BSN: variants seen among roughly 807,000 people sequenced by gnomAD.
The protein encoded by BSN is bassoon presynaptic cytomatrix protein.
BSN carries 57 observed loss-of-function variants against 264.8 expected under a neutral mutation model. The ratio of observed to expected loss-of-function variants is 0.22; its 90% CI spans 0.17 to 0.27. The LOEUF (loss-of-function observed/expected upper bound fraction) is 0.27, where lower values mean the gene tolerates loss of function less well. BSN is among the 10% of genes least tolerant of loss of function. The pLI is 1.00. For synonymous variants in BSN, 2,059 were observed against 2,137.3 expected, an observed-to-expected ratio of 0.96 and a Z score of 1.01; for missense variants, 4,615 against 5,232.5, an observed-to-expected ratio of 0.88 and a Z score of 3.64.
At position 49,652,584 on chromosome 3, in the gene BSN, C is replaced by T. The variant is rs1470754384; in HGVS notation, c.3028C>T (p.Pro1010Ser). 1 of 1,613,534 alleles carries T rather than the reference C, an allele frequency of 6.2e-7. No individual in the cohort carries two copies. Among genetic ancestry groups the T allele is most frequent in the Admixed American group, 1.7e-5 (1 of 60,024 alleles). The change falls in exon 5 of 12, where the codon CCC (proline) becomes TCC (serine). Residue 1010 changes from proline (P) to serine (S), a missense_variant. Coordinates refer to ENST00000296452, the MANE Select transcript of BSN (RefSeq NM_003458.4). Reference protein sequence around the residue: ...SSLEEDSDSSPSRRQRLEEAK... With the variant: ...SSLEEDSDSSSSRRQRLEEAK... Reference sequence around the variant, plus strand: ...CCTAGAGGAGGACAGTGACAGCAGCCCCAGCCGCAGGCAGCGTCTAGAAGA... The same window carrying T: ...CCTAGAGGAGGACAGTGACAGCAGCTCCAGCCGCAGGCAGCGTCTAGAAGA...
In BSN at chr3:49,651,701, G is replaced by A. The variant is rs2052541864; in HGVS notation, c.2145G>A (p.Gly715=). The stretch of plus-strand genomic sequence containing the variant: ...AGCTGGACAGTGCAGGGGTGACAGG[G>A]CCACATCCACCCAGCCCCTCCGAGA... ...VEQLDSAGVT[G]PHPPSPSEIH... The change falls in exon 5 of 12, where the codon GGG becomes GGA. Residue 715 remains glycine, a synonymous_variant. Coordinates refer to ENST00000296452, the MANE Select transcript of BSN (RefSeq NM_003458.4). This position sits in a 1 kb window ranked among gnomAD's most constrained non-coding sequence, Gnocchi z 5.4. The A allele has an allele frequency of 6.2e-7, 1 of 1,613,154 alleles. No homozygotes were observed. Among genetic ancestry groups the A allele is most frequent in the South Asian group, 1.1e-5 (1 of 91,012 alleles).
At position 49,656,186 on chromosome 3, in the gene BSN, C is replaced by A; in HGVS notation, c.6630C>A (p.Thr2210=). The change falls in exon 5 of 12, where the codon ACC becomes ACA. Residue 2210 remains threonine, a synonymous_variant. Transcript: ENST00000296452. ...TTGCTGCAACACTGCCCATCACCAC[C>A]CAGCCTGCCTCAGTCCTGCGGCCCA... ...TPIAATLPIT[T]QPASVLRPMV... is the part of the protein sequence containing the mutation. 46 of 1,612,204 alleles carry A rather than the reference C, an allele frequency of 2.9e-5. No individual in the cohort carries two copies. The highest frequency in any genetic ancestry group is 3.8e-5 in the Non-Finnish European group (45 of 1,179,374).
At chr3:49,616,241 C>T (rs1170761591) in intron 1 of BSN, among the ~76,000 whole-genome samples, 2 of 152,192 alleles carry the variant, frequency 1.3e-5, no homozygotes, top group African/African-American at 4.8e-5. Context: ...CATATCCATT[C>T]CTGAGAGAGA....
intron 1 of BSN, among the ~76,000 whole-genome samples, chr3:49,601,196 A>G (rs569861683): frequency 2.6e-5 from 4 of 152,314 alleles, no homozygotes; most frequent in African/African-American, 2.4e-5. Flanking sequence ...GAAGGCAAGT[A>G]GGGAGTGCCC....
rs1424062497 is a variant in BSN, at chr3:49,651,017, G to A, written c.1924G>A (p.Ala642Thr). ...TPKVKSGVRRAEPATPVVKAV... is the reference protein window; with the variant it reads ...TPKVKSGVRRTEPATPVVKAV... ...TAAAGTAAAGAGTGGGGTGAGGAGG[G>A]CTGAACCTGCCACCCCTGTCGTCAA... Residue 642 changes from alanine (A) to threonine (T), a missense_variant, in exon 4 of 12, where the codon GCT (alanine) becomes ACT (threonine). Ala to Thr is a moderately conservative substitution (Grantham distance 58). Around this residue, in one of 3 missense-constraint regions of BSN, gnomAD observed 1,197 missense variants for 1,348.0 expected, o/e 0.89. Transcript: ENST00000296452. The surrounding 1 kb of genome is among the most constrained non-coding windows in gnomAD (Gnocchi z 5.4). 2.5e-6 allele frequency: 4 copies of A among 1,613,796 alleles called. No individual in the cohort carries two copies. The highest frequency in any genetic ancestry group is 3.4e-6 in the Non-Finnish European group (4 of 1,179,964).
Position 49,663,575 on chromosome 3 carries a change from C to A in BSN, c.11417C>A (p.Thr3806Asn). The change falls in exon 7 of 12, where the codon ACC (threonine) becomes AAC (asparagine). Residue 3806 changes from threonine (T) to asparagine (N), a missense_variant. Transcript: ENST00000296452. The stretch of plus-strand genomic sequence containing the variant: ...CGGCTGCAGCAACAGAGCCAGCCAA[C>A]CACCCGGGGCTCAGCCCCTGCTGCC... ...QARLQQQSQP[T>N]TRGSAPAASQ... 6.2e-7 allele frequency: 1 copy of A among 1,605,560 alleles called. No individual in the cohort carries two copies.
rs752353632 is a variant in BSN at position 49,663,783 on chromosome 3, G to A, written c.11509-4G>A. ...GAATCTTAGCTATAGGTTCTGTGTT[G>A]CAGCCACGGGCAGAACAGACAAATG... On this transcript the variant is annotated splice_region_variant and splice_polypyrimidine_tract_variant and intron_variant, in intron 7 of 11. Coordinates refer to ENST00000296452, the MANE Select transcript of BSN (RefSeq NM_003458.4). 1 of 1,614,146 alleles carries A rather than the reference G, an allele frequency of 6.2e-7. No homozygotes were observed. Among genetic ancestry groups the A allele is most frequent in the Non-Finnish European group, 8.5e-7 (1 of 1,180,028 alleles).
intron 3 of BSN, 133 bp downstream of exon 3, chr3:49,643,285 A>G: frequency 5.7e-6 from 8 of 1,400,166 alleles, no homozygotes; most frequent in Non-Finnish European, 7.5e-6. Context: ...CTAATGCTGC[A>G]GAGGGGCTGC....
At chr3:49,664,905 T>C (rs1409940401) in intron 10 of BSN, 52 bp downstream of exon 10, 2 of 403,672 alleles carry the variant, frequency 5.0e-6, no homozygotes, top group Admixed American at 9.5e-5. Flanking sequence ...CCCGAGGCAC[T>C]GGGGGTGGGG....
At chr3:49,605,907 AATAG>A (rs1172522169) in intron 1 of BSN, among the ~76,000 whole-genome samples, 1 of 2,422 alleles carries the variant, frequency 4.1e-4, no homozygotes, top group Non-Finnish European at 7.9e-4. Context: ...TGTCTATATA[AATAG>A]ATATAAATAG....
chr3:49,587,648 A>T (rs928681668), intron 1 of BSN, among the ~76,000 whole-genome samples: 3 of 152,204 alleles, frequency 2.0e-5, no homozygotes, highest in African/African-American at 7.2e-5. Context: ...TAGTCTTTAG[A>T]TGTTTCCTAT....
intron 1 of BSN, among the ~76,000 whole-genome samples, chr3:49,589,744 C>T (rs1457718389): frequency 1.3e-5 from 2 of 151,056 alleles, no homozygotes; most frequent in Admixed American, 6.6e-5. Context: ...TGAGCTCAGG[C>T]GATCCAACAG....
chr3:49,556,403 T>C (rs2051672199), intron 1 of BSN, among the ~76,000 whole-genome samples: 1 of 152,218 alleles, frequency 6.6e-6, no homozygotes, highest in Admixed American at 6.5e-5. Context: ...TTTTAGTGTT[T>C]CATTTGTACT....
intron 8 of BSN, 88 bp from the exon 9 acceptor site, chr3:49,664,335 G>A: frequency 6.4e-7 from 1 of 1,562,192 alleles, no homozygotes; most frequent in Non-Finnish European, 8.8e-7. Context: ...GGGTACCTGT[G>A]TTCAGATTCT....
chr3:49,556,232 G>A (rs2051670415), intron 1 of BSN, among the ~76,000 whole-genome samples: 1 of 152,182 alleles, frequency 6.6e-6, no homozygotes, highest in Non-Finnish European at 1.5e-5. Context: ...GTTATTGAGA[G>A]TTCCCTGTAT....
At chr3:49,624,266 G>C (rs981780100) in intron 1 of BSN, among the ~76,000 whole-genome samples, 3 of 149,072 alleles carry the variant, frequency 2.0e-5, no homozygotes, top group African/African-American at 7.4e-5. Context: ...CTCCCAAAGT[G>C]CGGGGATTCC....
At chr3:49,575,246 A>G (rs1220876057) in intron 1 of BSN, among the ~76,000 whole-genome samples, 1 of 151,584 alleles carries the variant, frequency 6.6e-6, no homozygotes, top group Non-Finnish European at 1.5e-5. Context: ...CCCAGCTACT[A>G]GGGAGGCTGA....
At chr3:49,576,091 T>C (rs918139419) in intron 1 of BSN, among the ~76,000 whole-genome samples, 1 of 152,214 alleles carries the variant, frequency 6.6e-6, no homozygotes, top group African/African-American at 2.4e-5. Flanking sequence ...GTGTTGTCTC[T>C]TACTGAATTA....
intron 1 of BSN, among the ~76,000 whole-genome samples, chr3:49,605,438 T>A (rs1575435024): frequency 1.1e-4 from 3 of 27,012 alleles, no homozygotes; most frequent in Non-Finnish European, 1.8e-4. Flanking sequence ...ATAATATATA[T>A]TATATATATT....
Sources: gnomAD v4.1 joint callset for allele counts (sites outside exome capture counted in the v4.1 genomes callset) on GRCh38, gnomAD v4.1.1 for gene constraint, gnomAD v4.1.1 regional missense constraint, Gnocchi (gnomAD v3.1) non-coding constraint, MANE v1.5 for transcripts, NCBI Gene and HGNC (gene_info 2026-07-23, HGNC 2026-07-21) for gene names.